The following CHSY3 variants were observed in gnomAD, a reference collection of about 807,000 sequenced individuals.
The protein encoded by CHSY3 is chondroitin sulfate synthase 3.
CHSY3 carries 35 observed loss-of-function variants against 67.2 expected under a neutral mutation model. The observed-to-expected ratio is 0.52, with a 90% confidence interval of 0.40 to 0.69. The LOEUF (loss-of-function observed/expected upper bound fraction) is 0.69. Among genes scored for constraint, CHSY3 ranks in the 30% least tolerant of loss-of-function variants. The probability of loss-of-function intolerance (pLI) is 0.00; values close to 1 mark genes in which losing one functional copy is unlikely to be tolerated. For synonymous variants in CHSY3, 474 were observed against 434.7 expected (o/e 1.09, Z -1.12); for missense variants, 1,069 against 1,138.5 (o/e 0.94, Z 0.88).
chr5:130,099,116 C>T (rs1481163235), intron 2 of CHSY3, among the ~76,000 whole-genome samples: 1 of 152,198 alleles, frequency 6.6e-6, no homozygotes, highest in African/African-American at 2.4e-5. Context: ...CCCCCAGTGA[C>T]TCATGCAGCT....
At chr5:130,175,423 C>T (rs1770014980) in intron 2 of CHSY3, among the ~76,000 whole-genome samples, 2 of 152,290 alleles carry the variant, frequency 1.3e-5, no homozygotes, top group South Asian at 4.1e-4. Context: ...TGAAAATGGT[C>T]ATACTGCCCA....
chr5:130,182,114 A>G (rs1185983936), intron 2 of CHSY3, among the ~76,000 whole-genome samples: 2 of 152,118 alleles, frequency 1.3e-5, no homozygotes, highest in Admixed American at 6.5e-5. Context: ...ACCAAGTTAT[A>G]TTCTCACTAG....
chr5:130,086,972 A>T (rs1362969236), intron 2 of CHSY3, among the ~76,000 whole-genome samples: 1 of 152,174 alleles, frequency 6.6e-6, no homozygotes, highest in East Asian at 1.9e-4. Flanking sequence ...TCCTCAATAA[A>T]ATACTGGCAA....
intron 2 of CHSY3, among the ~76,000 whole-genome samples, chr5:130,090,855 TA>T (rs1187405071): frequency 2.0e-5 from 3 of 152,148 alleles, no homozygotes; most frequent in Non-Finnish European, 4.4e-5. Flanking sequence ...AGAAACATTG[TA>T]AATCTTTTTT....
chr5:129,905,415 G>T lies in CHSY3; in HGVS notation c.586G>T (p.Ala196Ser). The part of the protein sequence containing the change: ...SRALAAQRTW[A>S]RFIPGRVEFF... Reference sequence around the variant, plus strand: ...CGCGCTGGCCGCGCAGCGGACCTGGGCGCGTTTCATCCCGGGCCGCGTGGA... The same window carrying T: ...CGCGCTGGCCGCGCAGCGGACCTGGTCGCGTTTCATCCCGGGCCGCGTGGA... Residue 196 changes from alanine (A) to serine (S), a missense_variant, in exon 1 of 3, where the codon GCG becomes TCG. Around this residue, in one of 5 missense-constraint regions of CHSY3, gnomAD observed 216 missense variants for 311.5 expected, o/e 0.69. Coordinates refer to ENST00000305031, the MANE Select transcript of CHSY3 (RefSeq NM_175856.5). The T allele has an allele frequency of 6.2e-7, 1 of 1,609,850 alleles. No homozygotes were observed. Among genetic ancestry groups the T allele is most frequent in the South Asian group, 1.1e-5 (1 of 91,004 alleles).
At chr5:130,118,193 T>G (rs1166286350) in intron 2 of CHSY3, among the ~76,000 whole-genome samples, 1 of 152,158 alleles carries the variant, frequency 6.6e-6, no homozygotes, top group African/African-American at 2.4e-5. Flanking sequence ...TTAAACAGTT[T>G]TTCCTTATAA....
intron 2 of CHSY3, among the ~76,000 whole-genome samples, chr5:130,060,874 C>A (rs992224319): frequency 6.6e-6 from 1 of 151,876 alleles, no homozygotes; most frequent in Non-Finnish European, 1.5e-5. Context: ...TGACAGATCT[C>A]TAAAAGGAGA....
At chr5:129,968,493 A>G (rs1762530805) in intron 2 of CHSY3, among the ~76,000 whole-genome samples, 2 of 151,834 alleles carry the variant, frequency 1.3e-5, no homozygotes, top group South Asian at 2.1e-4. Flanking sequence ...TAGATGGGGA[A>G]GTTGAAACTT....
chr5:129,914,333 G>A (rs892418919), intron 2 of CHSY3, among the ~76,000 whole-genome samples: 1 of 152,010 alleles, frequency 6.6e-6, no homozygotes, highest in African/African-American at 2.4e-5. Flanking sequence ...GGATGGCCTC[G>A]AACTCCCAAC....
At chr5:130,120,413 C>T (rs990171814) in intron 2 of CHSY3, among the ~76,000 whole-genome samples, 8 of 145,838 alleles carry the variant, frequency 5.5e-5, no homozygotes, top group East Asian at 2.0e-4. Context: ...GAATAATATA[C>T]GATCAGCTCC....
chr5:129,931,333 T>C (rs1357575515), intron 2 of CHSY3, among the ~76,000 whole-genome samples: 1 of 152,172 alleles, frequency 6.6e-6, no homozygotes, highest in African/African-American at 2.4e-5. Context: ...ATTATTTAAT[T>C]ATTATAATTA....
chr5:129,957,207 A>G (rs1278494338), intron 2 of CHSY3, among the ~76,000 whole-genome samples: 1 of 151,690 alleles, frequency 6.6e-6, no homozygotes, highest in African/African-American at 2.4e-5. Context: ...GTTTCTATGT[A>G]TTTTATTCTT....
intron 2 of CHSY3, among the ~76,000 whole-genome samples, chr5:129,956,074 T>C (rs1226857605): frequency 6.6e-6 from 1 of 152,134 alleles, no homozygotes; most frequent in Non-Finnish European, 1.5e-5. Context: ...GGGTTGAAGG[T>C]TCTCTAAAAA....
At chr5:129,917,413 A>G (rs975590510) in intron 2 of CHSY3, among the ~76,000 whole-genome samples, 2 of 152,230 alleles carry the variant, frequency 1.3e-5, no homozygotes, top group African/African-American at 4.8e-5. Flanking sequence ...AGCTGTTATG[A>G]AGATTAAACG....
intron 2 of CHSY3, chr5:130,141,255 G>T: frequency 2.1e-6 from 1 of 471,724 alleles, no homozygotes; most frequent in Non-Finnish European, 4.1e-6. Context: ...AGTCATGACT[G>T]TCCTCATTAA....
chr5:130,163,866 T>A (rs892193666), intron 2 of CHSY3, among the ~76,000 whole-genome samples: 3 of 152,064 alleles, frequency 2.0e-5, no homozygotes, highest in African/African-American at 7.2e-5. Flanking sequence ...CAAAGAAGAG[T>A]CAGGGTGTCC....
chr5:130,092,906 G>C (rs780727995), intron 2 of CHSY3, among the ~76,000 whole-genome samples: 7 of 152,138 alleles, frequency 4.6e-5, no homozygotes, highest in Non-Finnish European at 8.8e-5. Flanking sequence ...TAGTCAGTTA[G>C]GCAATCATAA....
intron 2 of CHSY3, among the ~76,000 whole-genome samples, chr5:129,978,982 AG>A (rs1167536046): frequency 1.3e-5 from 2 of 151,808 alleles, no homozygotes; most frequent in Admixed American, 1.3e-4. Context: ...GCAGATCAGG[AG>A]GTCAGGAGAT....
At chr5:129,972,232 A>G (rs1222975225) in intron 2 of CHSY3, among the ~76,000 whole-genome samples, 1 of 152,016 alleles carries the variant, frequency 6.6e-6, no homozygotes, top group African/African-American at 2.4e-5. Flanking sequence ...GAACATTACA[A>G]ATTATCTCCA....
Sources: allele counts gnomAD v4.1 joint callset (sites outside exome capture counted in the v4.1 genomes callset), GRCh38; gene constraint gnomAD v4.1.1; regional missense constraint gnomAD v4.1.1; transcripts MANE v1.5; gene names NCBI Gene and HGNC (gene_info 2026-07-23, HGNC 2026-07-21).